The following GNA12 variants were observed in gnomAD, a reference collection of about 807,000 sequenced individuals.
GNA12 encodes G protein subunit alpha 12.
Under a neutral mutation model 26.0 loss-of-function variants are expected in GNA12, and 9 were observed. The observed-to-expected ratio is 0.35, with a 90% confidence interval of 0.21 to 0.60. GNA12 has a LOEUF of 0.60. Among genes scored for constraint, GNA12 ranks in the 20% least tolerant of loss-of-function variants. The pLI is 0.78. For missense variants in GNA12, 405 were observed against 525.8 expected, an observed-to-expected ratio of 0.77 and a Z score of 2.25; for synonymous variants, 264 against 219.6, an observed-to-expected ratio of 1.20 and a Z score of -1.79.
In GNA12 at chr7:2,795,143, C is replaced by A. The variant is rs372701112; in HGVS notation, c.310G>T (p.Gly104Cys). 3.1e-6 allele frequency: 5 copies of A among 1,609,010 alleles called. No individual in the cohort carries two copies. The African/African-American group carries it at 5.4e-5, about 17-fold the overall frequency. The change falls in exon 2 of 4, where the codon GGC (glycine) becomes TGC (cysteine). Residue 104 changes from glycine (G) to cysteine (C), a missense_variant and splice_region_variant. Physicochemically the swap from Gly to Cys is radical, Grantham distance 159. Coordinates refer to ENST00000275364, the MANE Select transcript of GNA12 (RefSeq NM_007353.3). Reference sequence around the variant, plus strand: ...CGTGCATCAACAAGAACCCTTGAGCCCTAGAAAATAAAAGAAAGAAGAGAG... The same window carrying A: ...CGTGCATCAACAAGAACCCTTGAGCACTAGAAAATAAAAGAAAGAAGAGAG... ...RDTIFDNILKGSRVLVDARDK... is the reference protein window; with the variant it reads ...RDTIFDNILKCSRVLVDARDK...
chr7:2,842,053 A>G (rs1167898737), intron 1 of GNA12, among the ~76,000 whole-genome samples: 1 of 106,998 alleles, frequency 9.3e-6, no homozygotes, highest in African/African-American at 3.3e-5. Flanking sequence ...AAAAGGAAGG[A>G]AGGTAGAAAG....
intron 1 of GNA12, among the ~76,000 whole-genome samples, chr7:2,813,335 T>C (rs1386915957): frequency 1.3e-5 from 2 of 152,192 alleles, no homozygotes; most frequent in Non-Finnish European, 2.9e-5. Flanking sequence ...TAAATTATTT[T>C]AAAAAATAGA....
At chr7:2,777,556 C>T (rs1234797852) in intron 2 of GNA12, among the ~76,000 whole-genome samples, 2 of 152,134 alleles carry the variant, frequency 1.3e-5, no homozygotes, top group Non-Finnish European at 2.9e-5. Flanking sequence ...TAGGTGGGAG[C>T]ATGACCTGAT....
intron 2 of GNA12, among the ~76,000 whole-genome samples, chr7:2,781,850 A>C (rs545731903): frequency 1.2e-4 from 19 of 152,350 alleles, no homozygotes; most frequent in African/African-American, 4.6e-4. Context: ...AACGCAAATC[A>C]AAACCACAAT....
At chr7:2,776,914 T>A (rs1466015627) in intron 2 of GNA12, among the ~76,000 whole-genome samples, 1 of 152,122 alleles carries the variant, frequency 6.6e-6, no homozygotes, top group Non-Finnish European at 1.5e-5. Context: ...TGTGCAGCTG[T>A]GCTTCAGCCT....
rs1016611187 is a variant in GNA12 at position 2,814,211 on chromosome 7, C to A, written c.310-19068G>T. 8.4e-5 allele frequency: 60 copies of A among 715,936 alleles called. No individual in the cohort carries two copies. The African/African-American group carries it at 9.9e-4, about 12-fold the overall frequency. 44.3% of individuals were successfully genotyped at this position (715,936 alleles called of 1,614,324 possible). A position where few individuals can be genotyped will look rare whatever the true frequency, so the allele number is the denominator to read the frequency against. On this transcript the variant is annotated intron_variant, in intron 1 of 3. Transcript: ENST00000275364. The stretch of plus-strand genomic sequence containing the variant: ...AGTGAAATTCTCCATCATAAATCTC[C>A]TTTTATACATCTATGTATCCTGTTG...
chr7:2,761,359 T>C (rs746380630), intron 2 of GNA12, among the ~76,000 whole-genome samples: 1 of 152,234 alleles, frequency 6.6e-6, no homozygotes, highest in Non-Finnish European at 1.5e-5. Context: ...GGCACGCAGA[T>C]GGCAGCTGTG....
intron 1 of GNA12, among the ~76,000 whole-genome samples, chr7:2,809,031 C>G (rs1793015694): frequency 6.6e-6 from 1 of 152,312 alleles, no homozygotes; most frequent in Admixed American, 6.5e-5. Flanking sequence ...CTCAGGGTGG[C>G]CTGCCCTTGG....
chr7:2,799,029 T>C (rs764996562), intron 1 of GNA12, among the ~76,000 whole-genome samples: 4 of 152,194 alleles, frequency 2.6e-5, no homozygotes, highest in South Asian at 2.1e-4. Flanking sequence ...AATCAAAATG[T>C]AGAACTATAT....
Position 2,729,520 on chromosome 7 carries a change from C to T in GNA12, c.*1661G>A, listed in dbSNP as rs1403948046. 6.6e-6 allele frequency: 1 copy of T among 152,246 alleles called. No individual in the cohort carries two copies. The highest frequency in any genetic ancestry group is 1.5e-5 in the Non-Finnish European group (1 of 68,048). 9.4% of individuals were successfully genotyped at this position (152,246 alleles called of 1,614,324 possible). On this transcript the variant is annotated 3_prime_UTR_variant, in exon 4 of 4. Coordinates refer to ENST00000275364, the MANE Select transcript of GNA12 (RefSeq NM_007353.3). Reference sequence around the variant, plus strand: ...GCGAGAGAGAGTTCCATGCTGTCTCCCGATGAGAACGCTGTGCTAACAGGG... The same window carrying T: ...GCGAGAGAGAGTTCCATGCTGTCTCTCGATGAGAACGCTGTGCTAACAGGG...
At position 2,780,051 on chromosome 7, in the gene GNA12, CATATATATATATATATATAT is replaced by C. The variant is rs3996399; in HGVS notation, c.525+14857_525+14876del. Among the ~76,000 whole-genome samples the C allele has an allele frequency of 3.1e-3, 195 of 62,208 alleles. 3 individuals carry two copies. The highest frequency in any genetic ancestry group is 4.4e-3 in the Admixed American group (23 of 5,242). The allele number at this position is 62,208 out of a possible 152,430, so 40.8% of individuals were successfully genotyped here. A position where few individuals can be genotyped will look rare whatever the true frequency, so the allele number is the denominator to read the frequency against. On this transcript the variant is annotated intron_variant, in intron 2 of 3. Transcript: ENST00000275364. ...CTAGTTTTTTACACATTTCTGTGTA[CATATATATATATATATATAT>C]ATATATATATATATATATATATGCC...
intron 2 of GNA12, among the ~76,000 whole-genome samples, chr7:2,750,458 A>G (rs150439189): frequency 2.3e-4 from 35 of 152,368 alleles, no homozygotes; most frequent in Middle Eastern, 3.4e-3. Context: ...GAAGCCTTGA[A>G]TAATACCCAA....
At chr7:2,835,255 CA>C (rs1455818513) in intron 1 of GNA12, among the ~76,000 whole-genome samples, 1 of 152,184 alleles carries the variant, frequency 6.6e-6, no homozygotes, top group Non-Finnish European at 1.5e-5. Context: ...CACACCCCAC[CA>C]CCAGAGGCAT....
At chr7:2,732,533 G>A (rs373875142) in intron 3 of GNA12, among the ~76,000 whole-genome samples, 29 of 152,270 alleles carry the variant, frequency 1.9e-4, no homozygotes, top group African/African-American at 7.0e-4. Context: ...GTGACAGAGT[G>A]AGACCCTGTC....
intron 2 of GNA12, among the ~76,000 whole-genome samples, chr7:2,741,356 T>TA (rs35580979): frequency 2.0e-5 from 3 of 151,700 alleles, no homozygotes; most frequent in African/African-American, 4.8e-5. Flanking sequence ...CACTGTCTCT[T>TA]AAAAAAAACC....
intron 2 of GNA12, among the ~76,000 whole-genome samples, chr7:2,746,853 C>T (rs1228725448): frequency 6.6e-6 from 1 of 152,218 alleles, no homozygotes; most frequent in Non-Finnish European, 1.5e-5. Flanking sequence ...ACCAATCCCA[C>T]AGAAATACAA....
chr7:2,826,052 T>C (rs1398267937), intron 1 of GNA12, among the ~76,000 whole-genome samples: 2 of 151,882 alleles, frequency 1.3e-5, no homozygotes, highest in Admixed American at 6.6e-5. Flanking sequence ...GAATGCAAAC[T>C]CCGGAAGACA....
At chr7:2,819,856 T>C (rs560974696) in intron 1 of GNA12, among the ~76,000 whole-genome samples, 19 of 152,282 alleles carry the variant, frequency 1.2e-4, no homozygotes, top group African/African-American at 3.1e-4. Flanking sequence ...AAGCAACCAT[T>C]TGACTCAGCA....
intron 1 of GNA12, among the ~76,000 whole-genome samples, chr7:2,833,772 T>C (rs535998421): frequency 1.2e-4 from 18 of 152,202 alleles, no homozygotes; most frequent in African/African-American, 3.4e-4. Context: ...AGATGTATGC[T>C]TCTGCCGCCA....
Sources: allele counts gnomAD v4.1 joint callset (sites outside exome capture counted in the v4.1 genomes callset), GRCh38; gene constraint gnomAD v4.1.1; transcripts MANE v1.5; gene names NCBI Gene and HGNC (gene_info 2026-07-23, HGNC 2026-07-21).